Variants in AHDC1 observed in about 807,000 individuals in gnomAD.
AHDC1 encodes transcription factor Gibbin.
A neutral mutation model predicts 87.9 loss-of-function variants in AHDC1; 7 were observed. The ratio of observed to expected loss-of-function variants is 0.08; its 90% CI spans 0.05 to 0.15. The LOEUF is 0.15. AHDC1 is among the 10% of genes least tolerant of loss of function. The pLI, the probability that AHDC1 is intolerant of heterozygous loss-of-function variation, is 1.00. For synonymous variants in AHDC1, 1,051 were observed against 1,006.8 expected (o/e 1.04, Z -0.83); for missense variants, 1,841 against 2,253.2 (o/e 0.82, Z 3.70).
intron 3 of AHDC1, among the ~76,000 whole-genome samples, chr1:27,591,865 T>C (rs2089231889): frequency 6.6e-6 from 1 of 152,040 alleles, no homozygotes; most frequent in African/African-American, 2.4e-5. Context: ...GCAAAGGCCT[T>C]GGCACAGTGC....
chr1:27,592,197 G>A (rs778886482), intron 3 of AHDC1, among the ~76,000 whole-genome samples: 8 of 152,188 alleles, frequency 5.3e-5, no homozygotes, highest in Non-Finnish European at 7.4e-5. Context: ...GTGTGCACAC[G>A]CATGAGGGTA....
At chr1:27,585,026 A>G (rs1278579440) in intron 3 of AHDC1, among the ~76,000 whole-genome samples, 1 of 152,038 alleles carries the variant, frequency 6.6e-6, no homozygotes, top group Non-Finnish European at 1.5e-5. Context: ...TACAAAAATT[A>G]GCCGGGTGTG....
At chr1:27,574,017 A>ACAGGCC (rs1335120954) in intron 3 of AHDC1, among the ~76,000 whole-genome samples, 1 of 152,190 alleles carries the variant, frequency 6.6e-6, no homozygotes, top group Non-Finnish European at 1.5e-5. Context: ...GGGAGTTGAC[A>ACAGGCC]CAGGCCCAGG....
chr1:27,554,792 C>T (rs1571253670), intron 5 of AHDC1, among the ~76,000 whole-genome samples: 1 of 152,202 alleles, frequency 6.6e-6, no homozygotes, highest in Admixed American at 6.5e-5. Context: ...AGAGCTGACT[C>T]GGGGACAGGA....
In AHDC1 at chr1:27,563,658, C is replaced by A. The variant is rs1385904068; in HGVS notation, c.-628-4775G>T. On this transcript the variant is annotated intron_variant, in intron 3 of 8. Transcript: ENST00000673934. This position sits in a 1 kb window ranked among gnomAD's most constrained non-coding sequence, Gnocchi z 6.1. ...GCACTGCCAGAGCCGGGCACAGCCA[C>A]ACATTGCCCCAGTGACAAACACCAC... is the stretch of plus-strand genomic sequence containing the variant. 1.3e-5 allele frequency among the ~76,000 whole-genome samples: 2 copies of A among 152,352 alleles called. No homozygotes were observed. Among genetic ancestry groups the A allele is most frequent in the East Asian group, 3.9e-4 (2 of 5,188 alleles).
chr1:27,548,558 G>A lies in AHDC1; in HGVS notation c.3558C>T (p.Asn1186=). The A allele has an allele frequency of 1.2e-6, 2 of 1,613,588 alleles. No individual in the cohort carries two copies. The highest frequency in any genetic ancestry group is 1.7e-6 in the Non-Finnish European group (2 of 1,180,006). Residue 1186 remains asparagine, a synonymous_variant, in exon 8 of 9, where the codon AAC becomes AAT. Coordinates refer to ENST00000673934, the MANE Select transcript of AHDC1 (RefSeq NM_001371928.1). The part of the protein sequence containing the change: ...PVGGGGFRRA[N]SEASSSEGQS... ...GGCCCTCACTACTTGAGGCCTCGCT[G>A]TTGGCACGCCGAAACCCCCCGCCAC... is the stretch of plus-strand genomic sequence containing the variant.
chr1:27,547,526 G>T lies in AHDC1; in HGVS notation c.4590C>A (p.Gly1530=), dbSNP rs746111715. The T allele has an allele frequency of 1.2e-6, 2 of 1,610,900 alleles. No individual in the cohort carries two copies. The highest frequency in any genetic ancestry group is 1.7e-6 in the Non-Finnish European group (2 of 1,178,652). The change falls in exon 8 of 9, where the codon GGC becomes GGA. Residue 1530 remains glycine (G), a synonymous_variant. Transcript: ENST00000673934. This position sits in a 1 kb window ranked among gnomAD's most constrained non-coding sequence, Gnocchi z 4.9. ...EMARPPGPPR[G]PAAAAAGYGC... is the part of the protein sequence containing the mutation. The stretch of plus-strand genomic sequence containing the variant: ...CATAGCCAGCAGCGGCTGCAGCAGG[G>T]CCACGGGGTGGGCCAGGGGGCCGGG...
Position 27,550,940 on chromosome 1 carries a change from G to T in AHDC1, c.1176C>A (p.Ile392=). The T allele has an allele frequency of 6.3e-7, 1 of 1,599,232 alleles. No individual in the cohort carries two copies. The highest frequency in any genetic ancestry group is 8.5e-7 in the Non-Finnish European group (1 of 1,178,480). Residue 392 remains isoleucine (I), a synonymous_variant, in exon 8 of 9, where the codon ATC becomes ATA. Transcript: ENST00000673934. The part of the protein sequence containing the change: ...YALRRTDRPK[I]LCRRRKAGRG... The stretch of plus-strand genomic sequence containing the variant: ...GTCCGGCTTTCCGCCGGCGACACAG[G>T]ATCTTTGGCCTATCAGTGCGCCGCA...
rs1018081251 is a variant in AHDC1 at position 27,590,585 on chromosome 1, G to A, written c.-629+12812C>T. ...GAGTGTTTTGCTTCTCTCAGACTTG[G>A]GGGGTCTGAGGACAAGGCTGTGTGT... On this transcript the variant is annotated intron_variant, in intron 3 of 8. Coordinates refer to ENST00000673934, the MANE Select transcript of AHDC1 (RefSeq NM_001371928.1). The surrounding 1 kb of genome is among the most constrained non-coding windows in gnomAD (Gnocchi z 5.4). Among the ~76,000 whole-genome samples the A allele has an allele frequency of 6.6e-6, 1 of 152,072 alleles. No homozygotes were observed. The highest frequency in any genetic ancestry group is 2.1e-4 in the South Asian group (1 of 4,812).
intron 5 of AHDC1, among the ~76,000 whole-genome samples, chr1:27,555,204 G>A (rs1206606240): frequency 6.6e-4 from 100 of 152,204 alleles, no homozygotes; most frequent in Non-Finnish European, 1.5e-4. Flanking sequence ...CCTAGTCCAG[G>A]GGAATGTGAC....
intron 3 of AHDC1, among the ~76,000 whole-genome samples, chr1:27,588,625 G>C (rs192710579): frequency 1.6e-4 from 24 of 152,290 alleles, no homozygotes; most frequent in Non-Finnish European, 2.9e-4. Flanking sequence ...GTTTATGAGA[G>C]ACAGAGGAAG....
chr1:27,579,507 C>T (rs1463538406), intron 3 of AHDC1, among the ~76,000 whole-genome samples: 1 of 152,204 alleles, frequency 6.6e-6, no homozygotes, highest in African/African-American at 2.4e-5. Flanking sequence ...TAGATCCCAG[C>T]AAGAGTGTGA....
chr1:27,567,524 C>T (rs1254631506), intron 3 of AHDC1, among the ~76,000 whole-genome samples: 1 of 152,032 alleles, frequency 6.6e-6, no homozygotes, highest in Non-Finnish European at 1.5e-5. Flanking sequence ...TGCCTGGCCC[C>T]ATCCCTGGGG....
rs559350282 is a variant in AHDC1 at position 27,534,412 on chromosome 1, G to C, written c.*548C>G. ...AATAAGAAAGAAAAAAAAAGCTCCCGCAAGAGGTTCTTCTCCCTCCCCCCC... is the reference window on the plus strand; with the variant it reads ...AATAAGAAAGAAAAAAAAAGCTCCCCCAAGAGGTTCTTCTCCCTCCCCCCC... On this transcript the variant is annotated 3_prime_UTR_variant, in exon 9 of 9. Coordinates refer to ENST00000673934, the MANE Select transcript of AHDC1 (RefSeq NM_001371928.1). 6.6e-6 allele frequency: 1 copy of C among 151,402 alleles called. No individual in the cohort carries two copies. Among genetic ancestry groups the C allele is most frequent in the African/African-American group, 2.4e-5 (1 of 41,152 alleles). The allele number at this position is 151,402 out of a possible 1,614,324, so 9.4% of individuals were successfully genotyped here. A position where few individuals can be genotyped will look rare whatever the true frequency, so the allele number is the denominator to read the frequency against.
rs767305703 is a variant in AHDC1 at position 27,598,081 on chromosome 1, G to A, written c.-629+5316C>T. ...CCAAGGGTGCCCACTCGCTCCCCAAGGCACCCTCCCCCAGGTCAGCAAGGC... is the reference window on the plus strand; with the variant it reads ...CCAAGGGTGCCCACTCGCTCCCCAAAGCACCCTCCCCCAGGTCAGCAAGGC... On this transcript the variant is annotated intron_variant, in intron 3 of 8. Transcript: ENST00000673934. The surrounding 1 kb of genome is among the most constrained non-coding windows in gnomAD (Gnocchi z 4.2). 2.0e-5 allele frequency among the ~76,000 whole-genome samples: 3 copies of A among 152,172 alleles called. No individual in the cohort carries two copies. Among genetic ancestry groups the A allele is most frequent in the Admixed American group, 2.0e-4 (3 of 15,288 alleles).
At position 27,547,686 on chromosome 1, in the gene AHDC1, G is replaced by A. The variant is rs1037389786; in HGVS notation, c.4430C>T (p.Pro1477Leu). The change falls in exon 8 of 9, where the codon CCG becomes CTG. Residue 1477 changes from proline to leucine, a missense_variant. Transcript: ENST00000673934. This position sits in a 1 kb window ranked among gnomAD's most constrained non-coding sequence, Gnocchi z 4.9. ...TGTACCCACCTTGCCTTCATAGGGC[G>A]GGCTGCGGGCAGCTGAGCCTGGAGG... ...WYPPGSAARS[P>L]PYEGKVGTGL... 30 of 1,594,922 alleles carry A rather than the reference G, an allele frequency of 1.9e-5. No individual in the cohort carries two copies. The highest frequency in any genetic ancestry group is 2.3e-5 in the Non-Finnish European group (27 of 1,169,162).
chr1:27,576,173 C>T (rs1038352689), intron 3 of AHDC1, among the ~76,000 whole-genome samples: 4 of 152,202 alleles, frequency 2.6e-5, no homozygotes, highest in African/African-American at 9.7e-5. Context: ...CACCGTGAAC[C>T]GGCGGCCAAT....
rs1247492101 is a variant in AHDC1 at position 27,547,270 on chromosome 1, A to G, written c.*34T>C. The G allele has an allele frequency of 3.3e-6, 5 of 1,513,086 alleles. No individual in the cohort carries two copies. In the South Asian group the frequency reaches 4.0e-5, roughly 12 times the overall value. 93.7% of individuals were successfully genotyped at this position (1,513,086 alleles called of 1,614,324 possible). On this transcript the variant is annotated 3_prime_UTR_variant, in exon 8 of 9. Transcript: ENST00000673934. This position sits in a 1 kb window ranked among gnomAD's most constrained non-coding sequence, Gnocchi z 4.9. Reference sequence around the variant, plus strand: ...ACATCCCCAGACTCACCCAGGAACAAAACCTCGCGGTCCAGTCGGCACTTC... The same window carrying G: ...ACATCCCCAGACTCACCCAGGAACAGAACCTCGCGGTCCAGTCGGCACTTC...
intron 8 of AHDC1, among the ~76,000 whole-genome samples, chr1:27,537,634 C>T (rs2018704083): frequency 6.6e-6 from 1 of 152,214 alleles, no homozygotes. Context: ...CCTGGCTCCT[C>T]CAGGGCAGGA....
Sources: allele counts gnomAD v4.1 joint callset (sites outside exome capture counted in the v4.1 genomes callset), GRCh38; gene constraint gnomAD v4.1.1; non-coding constraint Gnocchi (gnomAD v3.1); transcripts MANE v1.5; gene names NCBI Gene and HGNC (gene_info 2026-07-23, HGNC 2026-07-21).